Variants in TRIM27 observed in about 807,000 individuals in gnomAD.
TRIM27 encodes tripartite motif containing 27, also known as zinc finger protein RFP.
TRIM27 carries 12 observed loss-of-function variants against 57.6 expected under a neutral mutation model. That is an observed-to-expected ratio of 0.21 (90% CI 0.13 to 0.34). The LOEUF (loss-of-function observed/expected upper bound fraction) is 0.34, where lower values mean the gene tolerates loss of function less well. TRIM27 is among the 10% of genes least tolerant of loss of function. The pLI is 1.00. For missense variants in TRIM27, 403 were observed against 656.8 expected, an observed-to-expected ratio of 0.61 and a Z score of 4.22; for synonymous variants, 266 against 259.0, an observed-to-expected ratio of 1.03 and a Z score of -0.26.
intron 6 of TRIM27, chr6:28,908,227 T>C (rs1772922220): frequency 6.5e-6 from 1 of 154,160 alleles, no homozygotes; most frequent in African/African-American, 2.4e-5. Context: ...TTAGAAATGG[T>C]AACTAACCTT....
intron 3 of TRIM27, among the ~76,000 whole-genome samples, chr6:28,914,022 TG>T (rs1279381040): frequency 1.4e-5 from 2 of 144,396 alleles, no homozygotes; most frequent in Admixed American, 7.2e-5. Flanking sequence ...AGCCTACCTA[TG>T]TTTTTTTTTT....
chr6:28,906,415 A>T (rs1772774640), intron 7 of TRIM27: 1 of 152,140 alleles, frequency 6.6e-6, no homozygotes, highest in Admixed American at 6.5e-5. Flanking sequence ...TCCTGGTTCA[A>T]CAATCTGTCT....
At chr6:28,907,978 G>A (rs1250687216) in intron 6 of TRIM27, 2 of 176,850 alleles carry the variant, frequency 1.1e-5, no homozygotes, top group African/African-American at 4.7e-5. Flanking sequence ...AAAGATTGTG[G>A]GGGTTTGTAA....
Position 28,923,198 on chromosome 6 carries a change from G to A in TRIM27, c.420+15C>T. On this transcript the variant is annotated intron_variant, in intron 1 of 7. Transcript: ENST00000377199. ...TCCGACTCGCGCTCCCGCCCTCCCG[G>A]ATCCGCGCCCTCACCTTGAAGCCCT... is the stretch of plus-strand genomic sequence containing the variant. 2 of 1,539,620 alleles carry A rather than the reference G, an allele frequency of 1.3e-6. No homozygotes were observed. The highest frequency in any genetic ancestry group is 1.8e-6 in the Non-Finnish European group (2 of 1,138,546).
intron 2 of TRIM27, among the ~76,000 whole-genome samples, chr6:28,921,232 T>A (rs1774006251): frequency 6.6e-6 from 1 of 151,932 alleles, no homozygotes; most frequent in Non-Finnish European, 1.5e-5. Context: ...AATACAAAAA[T>A]TAGCTGAGTC....
chr6:28,904,260 T>C lies in TRIM27; in HGVS notation c.1352A>G (p.Asn451Ser). 6.2e-7 allele frequency: 1 copy of C among 1,613,092 alleles called. No homozygotes were observed. Among genetic ancestry groups the C allele is most frequent in the Non-Finnish European group, 8.5e-7 (1 of 1,180,006 alleles). Reference sequence around the variant, plus strand: ...GAAGGTGTGACACCTCTCTGTCACGTTGTAGAAGGAGACCTCACCAGCATC... The same window carrying C: ...GAAGGTGTGACACCTCTCTGTCACGCTGTAGAAGGAGACCTCACCAGCATC... Reference protein sequence around the residue: ...DYDAGEVSFYNVTERCHTFTF... With the variant: ...DYDAGEVSFYSVTERCHTFTF... The change falls in exon 8 of 8, where the codon AAC (asparagine) becomes AGC (serine). Residue 451 changes from asparagine to serine, a missense_variant. Physicochemically the swap from Asn to Ser is conservative, Grantham distance 46. Transcript: ENST00000377199. The surrounding 1 kb of genome is among the most constrained non-coding windows in gnomAD (Gnocchi z 6.1).
intron 3 of TRIM27, among the ~76,000 whole-genome samples, chr6:28,913,680 CTTA>C (rs546684721): frequency 6.6e-6 from 1 of 152,048 alleles, no homozygotes; most frequent in South Asian, 2.1e-4. Flanking sequence ...TTGCATTTCT[CTTA>C]TTATAAGTAC....
At chr6:28,908,573 A>G (rs1772949310) in intron 6 of TRIM27, 1 of 487,974 alleles carries the variant, frequency 2.0e-6, no homozygotes, top group South Asian at 4.0e-5. Flanking sequence ...TGGATTGCTT[A>G]TTTTTCTCCT....
At chr6:28,908,876 T>G in intron 5 of TRIM27, 36 bp from the exon 6 acceptor site, 2 of 1,612,074 alleles carry the variant, frequency 1.2e-6, no homozygotes, top group Non-Finnish European at 1.7e-6. Flanking sequence ...TCAGTCTGCA[T>G]CCCACTATCT....
At chr6:28,917,044 A>C (rs1773661714) in intron 3 of TRIM27, among the ~76,000 whole-genome samples, 1 of 151,964 alleles carries the variant, frequency 6.6e-6, no homozygotes, top group South Asian at 2.1e-4. Context: ...TGGGAGGCTG[A>C]GGTGGGAGGA....
intron 6 of TRIM27, chr6:28,908,498 C>G (rs1337302269): frequency 2.6e-6 from 1 of 379,306 alleles, no homozygotes; most frequent in Admixed American, 4.3e-5. Flanking sequence ...GAAACGTATC[C>G]AAGGTAGTTT....
chr6:28,907,521 G>C (rs539981039), intron 6 of TRIM27: 79 of 680,630 alleles, frequency 1.2e-4, no homozygotes, highest in Non-Finnish European at 2.0e-4. Flanking sequence ...GGATAAAACT[G>C]AGCCAAGATC....
At position 28,904,095 on chromosome 6, in the gene TRIM27, C is replaced by T. The variant is rs149856045; in HGVS notation, c.1517G>A (p.Gly506Asp). 4.8e-5 allele frequency: 78 copies of T among 1,612,984 alleles called. No homozygotes were observed. The highest frequency in any genetic ancestry group is 6.6e-5 in the Non-Finnish European group (78 of 1,179,986). The change falls in exon 8 of 8, where the codon GGT becomes GAT. Residue 506 changes from glycine to aspartate, a missense_variant. Physicochemically the swap from Gly to Asp is moderately conservative, Grantham distance 94. Transcript: ENST00000377199. The surrounding 1 kb of genome is among the most constrained non-coding windows in gnomAD (Gnocchi z 6.1). ...DGFSGHVGNH[G>D]HSMETSP The stretch of plus-strand genomic sequence containing the variant: ...TCAAGGGGAGGTCTCCATGGAATGA[C>T]CATGATTCCCAACATGGCCAGAAAA...
chr6:28,911,352 G>A (rs545716499), intron 4 of TRIM27: 2 of 215,808 alleles, frequency 9.3e-6, no homozygotes, highest in African/African-American at 5.1e-5. Context: ...AAAAAAAAAT[G>A]AGATAATGAA....
intron 4 of TRIM27, 77 bp from the exon 5 acceptor site, chr6:28,909,165 T>A: frequency 9.6e-7 from 1 of 1,036,498 alleles, no homozygotes. Context: ...TGGAGTGCAA[T>A]GGCGCCATCT....
chr6:28,911,534 T>A (rs1227762200), intron 4 of TRIM27, 162 bp downstream of exon 4: 1 of 693,762 alleles, frequency 1.4e-6, no homozygotes, highest in Non-Finnish European at 2.4e-6. Context: ...AGTAGAGCTG[T>A]GGTTCATCTA....
chr6:28,919,222 G>A (rs576864671), intron 3 of TRIM27, among the ~76,000 whole-genome samples: 17 of 152,150 alleles, frequency 1.1e-4, no homozygotes, highest in African/African-American at 3.4e-4. Flanking sequence ...TCTTGGCCAG[G>A]CTAGTCTTGA....
rs1774190775 is a variant in TRIM27, at chr6:28,923,241, G to A, written c.392C>T (p.Pro131Leu). ...GAAGCCCTCCACCGCCTCCTCGAGC[G>A]GCAGCACGCTGTGGCCGCGGTGCTC... The part of the protein sequence containing the change: ...SREHRGHSVL[P>L]LEEAVEGFKE... The change falls in exon 1 of 8, where the codon CCG becomes CTG. Residue 131 changes from proline to leucine, a missense_variant. Pro to Leu is a moderately conservative substitution (Grantham distance 98). Transcript: ENST00000377199. 2 of 1,601,220 alleles carry A rather than the reference G, an allele frequency of 1.2e-6. No homozygotes were observed. Among genetic ancestry groups the A allele is most frequent in the Non-Finnish European group, 1.7e-6 (2 of 1,173,896 alleles).
intron 1 of TRIM27, among the ~76,000 whole-genome samples, 184 bp from the exon 2 acceptor site, chr6:28,922,171 A>C (rs1774094562): frequency 2.0e-5 from 3 of 152,184 alleles, no homozygotes; most frequent in Admixed American, 2.0e-4. Flanking sequence ...CTCCTTTGGC[A>C]ATCTGTGTCT....
Sources: gnomAD v4.1 joint callset for allele counts (sites outside exome capture counted in the v4.1 genomes callset) on GRCh38, gnomAD v4.1.1 for gene constraint, Gnocchi (gnomAD v3.1) non-coding constraint, MANE v1.5 for transcripts, NCBI Gene and HGNC (gene_info 2026-07-23, HGNC 2026-07-21) for gene names.